LMNA: variants seen among roughly 807,000 people sequenced by gnomAD.
LMNA encodes the protein lamin A/C, also known as lamin.
LMNA carries 20 observed loss-of-function variants against 70.4 expected under a neutral mutation model. That is an observed-to-expected ratio of 0.28 (90% CI 0.20 to 0.41). The LOEUF is 0.41. Ranked by LOEUF, LMNA falls within the 10% of genes least tolerant of loss-of-function variation. The pLI is 1.00. For missense variants in LMNA, 652 were observed against 917.2 expected (o/e 0.71, Z 3.73); for synonymous variants, 339 against 372.8 (o/e 0.91, Z 1.04).
chr1:156,120,256 G>A (rs1015603778), intron 1 of LMNA, among the ~76,000 whole-genome samples: 2 of 152,224 alleles, frequency 1.3e-5, no homozygotes, highest in Non-Finnish European at 2.9e-5. Context: ...CAATAAAGGG[G>A]TCAGCACTTG....
chr1:156,096,839 T>C (rs1022679623), intron 3 of LMNA, among the ~76,000 whole-genome samples: 2 of 152,220 alleles, frequency 1.3e-5, no homozygotes, highest in African/African-American at 4.8e-5. Flanking sequence ...CCCTTGCGCT[T>C]GCTCATCTCA....
intron 1 of LMNA, chr1:156,126,181 C>T (rs905012407): frequency 4.6e-6 from 7 of 1,527,520 alleles, no homozygotes; most frequent in Middle Eastern, 3.3e-4. Context: ...CTCTTCTGCT[C>T]CCTTCCTGTG....
chr1:156,136,796 G>A lies in LMNA; in HGVS notation c.1381-125G>A, dbSNP rs191539066. 6.6e-4 allele frequency: 523 copies of A among 792,174 alleles called. No individual in the cohort carries two copies. Among genetic ancestry groups the A allele is most frequent in the Non-Finnish European group, 9.3e-4 (430 of 462,962 alleles). 49.1% of individuals were successfully genotyped at this position (792,174 alleles called of 1,614,324 possible). On this transcript the variant is annotated intron_variant, in intron 7 of 11. Transcript: ENST00000368300. The surrounding 1 kb of genome is among the most constrained non-coding windows in gnomAD (Gnocchi z 6.1). ...ATCCCCGGGGGAAGGGCAGTGACAGGGGTGTGTGTAGATGGAAGGAGAGGC... is the reference window on the plus strand; with the variant it reads ...ATCCCCGGGGGAAGGGCAGTGACAGAGGTGTGTGTAGATGGAAGGAGAGGC...
Position 156,115,167 on chromosome 1 carries a change from C to G in LMNA, c.249C>G (p.Ala83=), listed in dbSNP as rs746916710. 6.2e-7 allele frequency: 1 copy of G among 1,612,366 alleles called. No individual in the cohort carries two copies. The highest frequency in any genetic ancestry group is 1.7e-5 in the Admixed American group (1 of 59,764). The change falls in exon 1 of 12, where the codon GCC becomes GCG. Residue 83 remains alanine (A), a synonymous_variant. Coordinates refer to ENST00000368300, the MANE Select transcript of LMNA (RefSeq NM_170707.4). This position sits in a 1 kb window ranked among gnomAD's most constrained non-coding sequence, Gnocchi z 5.8. ...CCGGCATCAAGGCCGCCTACGAGGC[C>G]GAGCTCGGGGATGCCCGCAAGACCC... ...EVSGIKAAYE[A]ELGDARKTLD... is the part of the protein sequence containing the mutation.
chr1:156,092,679 CAAA>C (rs1189267703), intron 3 of LMNA, among the ~76,000 whole-genome samples: 2 of 103,162 alleles, frequency 1.9e-5, no homozygotes, highest in Admixed American at 1.0e-4. Flanking sequence ...GACTCCATCT[CAAA>C]AAAAAAAAAA....
intron 1 of LMNA, among the ~76,000 whole-genome samples, chr1:156,128,169 A>G (rs1354893248): frequency 6.6e-6 from 1 of 152,190 alleles, no homozygotes; most frequent in Non-Finnish European, 1.5e-5. Context: ...GTGAGTTAAC[A>G]TAATATTTAG....
rs1649801803 is a variant in LMNA, at chr1:156,115,990, C to T, written c.356+716C>T. Among the ~76,000 whole-genome samples, 1 of 152,326 alleles carries T rather than the reference C, an allele frequency of 6.6e-6. No homozygotes were observed. Among genetic ancestry groups the T allele is most frequent in the East Asian group, 1.9e-4 (1 of 5,180 alleles). On this transcript the variant is annotated intron_variant, in intron 1 of 11. Transcript: ENST00000368300. The surrounding 1 kb of genome is among the most constrained non-coding windows in gnomAD (Gnocchi z 5.8). ...GCTCCGGGAGATGAGAGATCGGCTCCCCCGCAGCTCCCACAGCCCTTGGCC... is the reference window on the plus strand; with the variant it reads ...GCTCCGGGAGATGAGAGATCGGCTCTCCCGCAGCTCCCACAGCCCTTGGCC...
At chr1:156,122,833 G>T (rs763918769) in intron 1 of LMNA, among the ~76,000 whole-genome samples, 14 of 152,186 alleles carry the variant, frequency 9.2e-5, no homozygotes, top group Non-Finnish European at 1.8e-4. Flanking sequence ...CACCCATACT[G>T]GCTCCCCCAA....
chr1:156,127,346 G>A (rs1650672298), intron 1 of LMNA, among the ~76,000 whole-genome samples: 2 of 152,088 alleles, frequency 1.3e-5, no homozygotes, highest in Non-Finnish European at 2.9e-5. Flanking sequence ...CTTCCCCGCA[G>A]ATGGGAGCTC....
intron 1 of LMNA, chr1:156,129,909 GTA>G (rs777928580): frequency 2.6e-6 from 2 of 764,166 alleles, no homozygotes; most frequent in South Asian, 2.8e-5. Context: ...TGGTAGATGG[GTA>G]GGGCTCAGCC....
At chr1:156,092,485 C>G (rs895969370) in intron 3 of LMNA, among the ~76,000 whole-genome samples, 2 of 151,648 alleles carry the variant, frequency 1.3e-5, no homozygotes, top group African/African-American at 4.8e-5. Flanking sequence ...TTGAGACCAG[C>G]CTGGGCAATA....
Position 156,139,599 on chromosome 1 carries a change from G to T in LMNA, c.*493G>T. The stretch of plus-strand genomic sequence containing the variant: ...CCAGCCTCCGAGAGGGAGAGAGAGA[G>T]AGAGAGGACAGCTTGAGCCGGGCCC... On this transcript the variant is annotated 3_prime_UTR_variant, in exon 12 of 12. Coordinates refer to ENST00000368300, the MANE Select transcript of LMNA (RefSeq NM_170707.4). The T allele has an allele frequency of 7.1e-7, 1 of 1,415,966 alleles. No homozygotes were observed. The highest frequency in any genetic ancestry group is 9.2e-7 in the Non-Finnish European group (1 of 1,092,092). 87.7% of individuals were successfully genotyped at this position (1,415,966 alleles called of 1,614,324 possible).
In LMNA at chr1:156,126,005, T is replaced by A. The variant is rs552962228; in HGVS notation, c.357-4612T>A. On this transcript the variant is annotated intron_variant, in intron 1 of 11. Transcript: ENST00000368300. ...AATAGTAATAATAATAAATGAAAAA[T>A]TTTAAAATTAAACAATTAAAAATTT... Among the ~76,000 whole-genome samples, 41 of 152,114 alleles carry A rather than the reference T, an allele frequency of 2.7e-4. No homozygotes were observed. The South Asian group carries it at 7.9e-3, about 29-fold the overall frequency.
chr1:156,135,080 G>T lies in LMNA; in HGVS notation c.810+105G>T. The T allele has an allele frequency of 1.9e-6, 3 of 1,609,694 alleles. No homozygotes were observed. Among genetic ancestry groups the T allele is most frequent in the Non-Finnish European group, 1.7e-6 (2 of 1,176,624 alleles). On this transcript the variant is annotated intron_variant, in intron 4 of 11. Coordinates refer to ENST00000368300, the MANE Select transcript of LMNA (RefSeq NM_170707.4). The surrounding 1 kb of genome is among the most constrained non-coding windows in gnomAD (Gnocchi z 4.8). ...GGGATCAGGCAGATGGTGGCAGGGA[G>T]CTCAGGGTGGCCCAGGACCTGGGGC...
In LMNA at chr1:156,139,408, G is replaced by A; in HGVS notation, c.*302G>A. ...CCACATCTGCCTTAAAACCAAAGAG[G>A]GCTTCCTCTAGAAGCCAAGGGAAAG... is the stretch of plus-strand genomic sequence containing the variant. On this transcript the variant is annotated 3_prime_UTR_variant, in exon 12 of 12. Coordinates refer to ENST00000368300, the MANE Select transcript of LMNA (RefSeq NM_170707.4). 2 of 1,363,008 alleles carry A rather than the reference G, an allele frequency of 1.5e-6. No homozygotes were observed. The highest frequency in any genetic ancestry group is 1.9e-6 in the Non-Finnish European group (2 of 1,060,852). The allele number at this position is 1,363,008 out of a possible 1,614,324, so 84.4% of individuals were successfully genotyped here.
chr1:156,114,958 G>A lies in LMNA; in HGVS notation c.40G>A (p.Ala14Thr), dbSNP rs755617982. The A allele has an allele frequency of 3.2e-6, 5 of 1,581,468 alleles. No homozygotes were observed. The Admixed American group carries it at 8.9e-5, about 28-fold the overall frequency. ...PSQRRATRSG[A>T]QASSTPLSPT... ...CCAGCGGCGCGCCACCCGCAGCGGG[G>A]CGCAGGCCAGCTCCACTCCGCTGTC... is the stretch of plus-strand genomic sequence containing the variant. The change falls in exon 1 of 12, where the codon GCG (alanine) becomes ACG (threonine). Residue 14 changes from alanine to threonine, a missense_variant. Physicochemically the swap from Ala to Thr is moderately conservative, Grantham distance 58. Coordinates refer to ENST00000368300, the MANE Select transcript of LMNA (RefSeq NM_170707.4).
intron 2 of LMNA, among the ~76,000 whole-genome samples, chr1:156,089,935 A>G (rs972492373): frequency 6.6e-6 from 1 of 151,182 alleles, no homozygotes; most frequent in Non-Finnish European, 1.5e-5. Flanking sequence ...GTGATACTGG[A>G]GCTGTGACAG....
chr1:156,138,120 TGC>T lies in LMNA; in HGVS notation c.1699-367_1699-366del. The T allele has an allele frequency of 1.9e-6, 1 of 521,978 alleles. No individual in the cohort carries two copies. 32.3% of individuals were successfully genotyped at this position (521,978 alleles called of 1,614,324 possible). On this transcript the variant is annotated intron_variant, in intron 10 of 11. Coordinates refer to ENST00000368300, the MANE Select transcript of LMNA (RefSeq NM_170707.4). This position sits in a 1 kb window ranked among gnomAD's most constrained non-coding sequence, Gnocchi z 5.5. ...ATCCTCTCATTTCCCTCATTTTTCC[TGC>T]AAGAATGTTCTCTCTCATTCCTGAC...
At chr1:156,104,302 A>G (rs1649244810) in intron 3 of LMNA, among the ~76,000 whole-genome samples, 1 of 152,104 alleles carries the variant, frequency 6.6e-6, no homozygotes, top group East Asian at 1.9e-4. Context: ...GCCTGCAGCT[A>G]CTGGCCTCCC....
Sources: allele counts gnomAD v4.1 joint callset (sites outside exome capture counted in the v4.1 genomes callset), GRCh38; gene constraint gnomAD v4.1.1; non-coding constraint Gnocchi (gnomAD v3.1); transcripts MANE v1.5; gene names NCBI Gene and HGNC (gene_info 2026-07-23, HGNC 2026-07-21).